UBE2QL1: variants seen among roughly 807,000 people sequenced by gnomAD.
UBE2QL1 encodes the protein ubiquitin conjugating enzyme E2 QL1, also known as ubiquitin-conjugating enzyme E2Q-like protein 1.
UBE2QL1 carries 5 observed loss-of-function variants against 12.6 expected under a neutral mutation model. The observed-to-expected ratio is 0.40, with a 90% CI of 0.21 to 0.83. The LOEUF is 0.83. Ranked by LOEUF, UBE2QL1 falls within the 40% of genes least tolerant of loss-of-function variation. The probability of loss-of-function intolerance (pLI) is 0.37; values close to 1 mark genes in which losing one functional copy is unlikely to be tolerated. For missense variants in UBE2QL1, 99 were observed against 222.6 expected (o/e 0.44, Z 3.53); for synonymous variants, 96 against 94.5 (o/e 1.02, Z -0.10).
chr5:6,477,672 A>G (rs1190943929), intron 1 of UBE2QL1, among the ~76,000 whole-genome samples: 3 of 152,212 alleles, frequency 2.0e-5, no homozygotes, highest in African/African-American at 7.2e-5. Flanking sequence ...GTCCAGCAGG[A>G]CGCGGGTGTG....
At chr5:6,486,479 G>A (rs916022331) in intron 1 of UBE2QL1, among the ~76,000 whole-genome samples, 1 of 152,054 alleles carries the variant, frequency 6.6e-6, no homozygotes, top group Non-Finnish European at 1.5e-5. Flanking sequence ...ATGTCTCAAG[G>A]CTTAGCTTAC....
intron 1 of UBE2QL1, among the ~76,000 whole-genome samples, chr5:6,453,350 T>TG (rs1449593482): frequency 6.6e-6 from 1 of 152,214 alleles, no homozygotes; most frequent in African/African-American, 2.4e-5. Context: ...CCAAGCACCT[T>TG]GCTGTTTCCA....
chr5:6,473,591 T>C (rs850954), intron 1 of UBE2QL1, among the ~76,000 whole-genome samples: 114,779 of 152,214 alleles, frequency 0.75, 46,997 homozygotes, highest in East Asian at 0.91. Context: ...TCTAACAAAT[T>C]CAGTTCCTCA....
chr5:6,456,933 T>G (rs1739539299), intron 1 of UBE2QL1, among the ~76,000 whole-genome samples: 1 of 151,896 alleles, frequency 6.6e-6, no homozygotes, highest in African/African-American at 2.4e-5. Context: ...ATTCCTATTC[T>G]TCAGTGCTAG....
At chr5:6,454,260 C>T (rs1739472134) in intron 1 of UBE2QL1, among the ~76,000 whole-genome samples, 2 of 152,268 alleles carry the variant, frequency 1.3e-5, no homozygotes, top group Non-Finnish European at 2.9e-5. Context: ...AGTCCAAGAT[C>T]AAGGTGTCAG....
At chr5:6,449,332 C>T in intron 1 of UBE2QL1, 85 bp downstream of exon 1, 1 of 1,216,596 alleles carries the variant, frequency 8.2e-7, no homozygotes, top group Non-Finnish European at 1.0e-6. Context: ...GTGGTGAGGG[C>T]CAGCGCCGGC....
Position 6,479,723 on chromosome 5 carries a change from C to A in UBE2QL1, c.355-11495C>A, listed in dbSNP as rs185686140. Among the ~76,000 whole-genome samples the A allele has an allele frequency of 7.9e-5, 12 of 152,134 alleles. No individual in the cohort carries two copies. The highest frequency in any genetic ancestry group is 2.7e-4 in the African/African-American group (11 of 41,416). ...AGAGTGGAGTGCAGCATCCTGGGTGCGGCCCAAGAAAAGCAGCTTCCTTTT... is the reference window on the plus strand; with the variant it reads ...AGAGTGGAGTGCAGCATCCTGGGTGAGGCCCAAGAAAAGCAGCTTCCTTTT... On this transcript the variant is annotated intron_variant, in intron 1 of 1. Coordinates refer to ENST00000399816, the MANE Select transcript of UBE2QL1 (RefSeq NM_001145161.3). The surrounding 1 kb of genome is among the most constrained non-coding windows in gnomAD (Gnocchi z 4.2).
chr5:6,472,628 T>G (rs948695119), intron 1 of UBE2QL1, among the ~76,000 whole-genome samples: 16 of 152,328 alleles, frequency 1.1e-4, no homozygotes, highest in Middle Eastern at 3.4e-3. Flanking sequence ...GTGTCCGGGT[T>G]GTCTAGCTTT....
In UBE2QL1 at chr5:6,478,955, G is replaced by A. The variant is rs913481753; in HGVS notation, c.355-12263G>A. The stretch of plus-strand genomic sequence containing the variant: ...CCCTCTGCTTCCTTCCTGCTCAGGG[G>A]CTTCATCCTTCCTAGGAGTGAGGAA... On this transcript the variant is annotated intron_variant, in intron 1 of 1. Coordinates refer to ENST00000399816, the MANE Select transcript of UBE2QL1 (RefSeq NM_001145161.3). The surrounding 1 kb of genome is among the most constrained non-coding windows in gnomAD (Gnocchi z 4.5). Among the ~76,000 whole-genome samples, 26 of 152,110 alleles carry A rather than the reference G, an allele frequency of 1.7e-4. No individual in the cohort carries two copies. The highest frequency in any genetic ancestry group is 3.4e-4 in the Non-Finnish European group (23 of 68,018).
chr5:6,466,855 C>T (rs1313802076), intron 1 of UBE2QL1, among the ~76,000 whole-genome samples: 2 of 152,144 alleles, frequency 1.3e-5, no homozygotes, highest in Non-Finnish European at 1.5e-5. Context: ...TGTTTGTAAT[C>T]ACGTGCCCTT....
At chr5:6,488,280 A>G (rs1329857620) in intron 1 of UBE2QL1, among the ~76,000 whole-genome samples, 1 of 152,196 alleles carries the variant, frequency 6.6e-6, no homozygotes, top group East Asian at 1.9e-4. Flanking sequence ...GTAACAATTG[A>G]GACTTTCACA....
intron 1 of UBE2QL1, among the ~76,000 whole-genome samples, chr5:6,451,691 T>G (rs1018174754): frequency 6.6e-6 from 1 of 152,190 alleles, no homozygotes; most frequent in Admixed American, 6.5e-5. Context: ...ACATAAAATA[T>G]TCAAAATGCA....
At chr5:6,469,004 T>C (rs1204244539) in intron 1 of UBE2QL1, among the ~76,000 whole-genome samples, 2 of 152,364 alleles carry the variant, frequency 1.3e-5, no homozygotes, top group African/African-American at 4.8e-5. Flanking sequence ...CTGCAGAGGC[T>C]GACAGACTTG....
chr5:6,462,782 G>T (rs1463940615), intron 1 of UBE2QL1, among the ~76,000 whole-genome samples: 1 of 152,208 alleles, frequency 6.6e-6, no homozygotes, highest in African/African-American at 2.4e-5. Context: ...ATCACCATTA[G>T]ATTAAGTTGC....
At chr5:6,477,935 C>T (rs1040393760) in intron 1 of UBE2QL1, among the ~76,000 whole-genome samples, 4 of 152,300 alleles carry the variant, frequency 2.6e-5, no homozygotes, top group Admixed American at 2.6e-4. Flanking sequence ...CCAGAAACCA[C>T]CCTCCTAGAA....
chr5:6,466,082 C>G (rs1739784062), intron 1 of UBE2QL1, among the ~76,000 whole-genome samples: 1 of 152,072 alleles, frequency 6.6e-6, no homozygotes, highest in Non-Finnish European at 1.5e-5. Context: ...TCCCAGGGCC[C>G]TGAGCAGTGC....
chr5:6,457,716 G>C (rs1226105147), intron 1 of UBE2QL1, among the ~76,000 whole-genome samples: 1 of 152,234 alleles, frequency 6.6e-6, no homozygotes, highest in Non-Finnish European at 1.5e-5. Context: ...ATCATGCACA[G>C]AGCTGAGCTG....
At chr5:6,475,868 T>C (rs1357852169) in intron 1 of UBE2QL1, among the ~76,000 whole-genome samples, 1 of 152,136 alleles carries the variant, frequency 6.6e-6, no homozygotes, top group Non-Finnish European at 1.5e-5. Flanking sequence ...TGGAGCAAGC[T>C]GGAGAACCAG....
chr5:6,461,543 A>T (rs824626), intron 1 of UBE2QL1, among the ~76,000 whole-genome samples: 1 of 42,184 alleles, frequency 2.4e-5, no homozygotes, highest in African/African-American at 7.4e-5. Flanking sequence ...AGCACCCACC[A>T]CCCCCCCCCG....
Sources: gnomAD v4.1 joint callset for allele counts (sites outside exome capture counted in the v4.1 genomes callset) on GRCh38, gnomAD v4.1.1 for gene constraint, Gnocchi (gnomAD v3.1) non-coding constraint, MANE v1.5 for transcripts, NCBI Gene and HGNC (gene_info 2026-07-23, HGNC 2026-07-21) for gene names.